ASAP3: variants seen among roughly 807,000 people sequenced by gnomAD.
ASAP3 encodes ArfGAP with SH3 domain, ankyrin repeat and PH domain 3.
ASAP3 carries 85 observed loss-of-function variants against 118.2 expected under a neutral mutation model. That is an observed-to-expected ratio of 0.72 (90% CI 0.60 to 0.86). The LOEUF (loss-of-function observed/expected upper bound fraction) is 0.86. ASAP3 is among the 40% of genes least tolerant of loss of function. ASAP3 has a pLI of 0.00. For missense variants in ASAP3, 1,026 were observed against 1,175.0 expected, an observed-to-expected ratio of 0.87 and a Z score of 1.85; for synonymous variants, 432 against 477.4, an observed-to-expected ratio of 0.90 and a Z score of 1.24.
At chr1:23,447,297 C>T (rs1456844626) in intron 5 of ASAP3, among the ~76,000 whole-genome samples, 2 of 152,170 alleles carry the variant, frequency 1.3e-5, no homozygotes, top group Non-Finnish European at 2.9e-5. Flanking sequence ...CCTTAGTTTA[C>T]TTCATAATGG....
Position 23,434,380 on chromosome 1 carries a change from G to A in ASAP3, c.1836-11C>T, listed in dbSNP as rs1485902460. Reference sequence around the variant, plus strand: ...GCATCCAGGTGACCACTGGGGAGAGGAGGGTTCAGGGAGAAAGGAAGGGGA... The same window carrying A: ...GCATCCAGGTGACCACTGGGGAGAGAAGGGTTCAGGGAGAAAGGAAGGGGA... On this transcript the variant is annotated splice_polypyrimidine_tract_variant and intron_variant, in intron 18 of 24. Transcript: ENST00000336689. The A allele has an allele frequency of 1.2e-6, 2 of 1,613,978 alleles. No homozygotes were observed. The highest frequency in any genetic ancestry group is 2.2e-5 in the East Asian group (1 of 44,890).
rs1640737540 is a variant in ASAP3 at position 23,437,993 on chromosome 1, G to A, written c.1103-521C>T. ...GGAAATAAGGTCCAAACTTTTAAGA[G>A]GGATTTCCAGGCCTCATCTCTCACT... is the stretch of plus-strand genomic sequence containing the variant. On this transcript the variant is annotated intron_variant, in intron 12 of 24. Transcript: ENST00000336689. This position sits in a 1 kb window ranked among gnomAD's most constrained non-coding sequence, Gnocchi z 6.1. 6.6e-6 allele frequency among the ~76,000 whole-genome samples: 1 copy of A among 152,076 alleles called. No homozygotes were observed.
Position 23,436,982 on chromosome 1 carries a change from G to A in ASAP3, c.1405C>T (p.Arg469Cys), listed in dbSNP as rs769703053. 1 of 1,612,308 alleles carries A rather than the reference G, an allele frequency of 6.2e-7. No homozygotes were observed. Among genetic ancestry groups the A allele is most frequent in the Non-Finnish European group, 8.5e-7 (1 of 1,179,686 alleles). ...CGCGAAAAGCGCACGCCCAGTTCGC[G>A]GTGGACGCCCGAGCACTGGATGCAG... ...LTCIQCSGVH[R>C]ELGVRFSRMQ... is the part of the protein sequence containing the mutation. The change falls in exon 15 of 25, where the codon CGC becomes TGC. Residue 469 changes from arginine (R) to cysteine (C), a missense_variant. By Grantham distance (180) the Arg-to-Cys change is radical. Transcript: ENST00000336689. This position sits in a 1 kb window ranked among gnomAD's most constrained non-coding sequence, Gnocchi z 4.2.
At chr1:23,484,215 C>A, upstream of ASAP3, 2 of 1,195,066 alleles carry the variant, frequency 1.7e-6, no homozygotes, top group Non-Finnish European at 2.1e-6. Flanking sequence ...CACCGCCGGC[C>A]GGGGGCGCCG....
chr1:23,431,626 T>A lies in ASAP3; in HGVS notation c.2546+70A>T, dbSNP rs1223729230. On this transcript the variant is annotated intron_variant, in intron 23 of 24. Coordinates refer to ENST00000336689, the MANE Select transcript of ASAP3 (RefSeq NM_017707.4). ...TCTTTAGGCAGGTACTATTTAGAGG[T>A]GTGGAAATCAATGGATGCTCAGAGA... is the stretch of plus-strand genomic sequence containing the variant. 4 of 1,355,750 alleles carry A rather than the reference T, an allele frequency of 3.0e-6. No individual in the cohort carries two copies. The East Asian group carries it at 9.7e-5, about 33-fold the overall frequency. 84.0% of individuals were successfully genotyped at this position (1,355,750 alleles called of 1,614,324 possible).
rs776996189 is a variant in ASAP3, at chr1:23,441,646, C to A, written c.747+9G>T. 6.2e-7 allele frequency: 1 copy of A among 1,614,112 alleles called. No individual in the cohort carries two copies. The highest frequency in any genetic ancestry group is 8.5e-7 in the Non-Finnish European group (1 of 1,179,994). ...TTGATCACGTGCCCAAGGGTGAGAC[C>A]CAACTTACTGCATGTACTGAGGCCG... is the stretch of plus-strand genomic sequence containing the variant. On this transcript the variant is annotated intron_variant, in intron 8 of 24. Transcript: ENST00000336689.
At chr1:23,476,601 T>C (rs1326102948) in intron 1 of ASAP3, among the ~76,000 whole-genome samples, 1 of 152,174 alleles carries the variant, frequency 6.6e-6, no homozygotes, top group Non-Finnish European at 1.5e-5. Flanking sequence ...CTTTCTAAAA[T>C]ACAAACTGGA....
In ASAP3 at chr1:23,435,835, T is replaced by C. The variant is rs553191914; in HGVS notation, c.1749+16A>G. The C allele has an allele frequency of 2.8e-5, 45 of 1,614,248 alleles. No individual in the cohort carries two copies. The South Asian group carries it at 4.7e-4, about 17-fold the overall frequency. On this transcript the variant is annotated intron_variant, in intron 17 of 24. Coordinates refer to ENST00000336689, the MANE Select transcript of ASAP3 (RefSeq NM_017707.4). ...TAGACAGGTGGGTTATAAGTGGCCCTTGGAGGGGTTCTCACCTGTGCATCA... is the reference window on the plus strand; with the variant it reads ...TAGACAGGTGGGTTATAAGTGGCCCCTGGAGGGGTTCTCACCTGTGCATCA...
chr1:23,483,901 C>T, intron 1 of ASAP3, 104 bp downstream of exon 1: 2 of 1,157,080 alleles, frequency 1.7e-6, no homozygotes, highest in South Asian at 4.1e-5. Context: ...GGGCAGGTTT[C>T]GGGGCGCGGT....
chr1:23,478,404 G>A (rs1473495947), intron 1 of ASAP3, among the ~76,000 whole-genome samples: 1 of 151,972 alleles, frequency 6.6e-6, no homozygotes, highest in Non-Finnish European at 1.5e-5. Context: ...AGTGGAGGTT[G>A]CAGTGAGCCC....
Position 23,451,744 on chromosome 1 carries a change from A to G in ASAP3, c.424-216T>C, listed in dbSNP as rs115533630. Reference sequence around the variant, plus strand: ...TTCTCAGAGCTAAGGCCCTCCTCCCAGCAGACCTTCTCCTCCCCAGAGATG... The same window carrying G: ...TTCTCAGAGCTAAGGCCCTCCTCCCGGCAGACCTTCTCCTCCCCAGAGATG... On this transcript the variant is annotated intron_variant, in intron 4 of 24. Coordinates refer to ENST00000336689, the MANE Select transcript of ASAP3 (RefSeq NM_017707.4). Among the ~76,000 whole-genome samples the G allele has an allele frequency of 3.7e-3, 565 of 152,232 alleles. 3 individuals are homozygous for G. The highest frequency in any genetic ancestry group is 0.013 in the African/African-American group (524 of 41,538).
At chr1:23,449,498 G>T (rs529230109) in intron 5 of ASAP3, among the ~76,000 whole-genome samples, 1 of 152,176 alleles carries the variant, frequency 6.6e-6, no homozygotes, top group East Asian at 1.9e-4. Flanking sequence ...TCAGGGCCCT[G>T]GGCCCTTCCA....
At chr1:23,483,187 G>A (rs1642366530) in intron 1 of ASAP3, among the ~76,000 whole-genome samples, 1 of 152,230 alleles carries the variant, frequency 6.6e-6, no homozygotes, top group Non-Finnish European at 1.5e-5. Context: ...GAAGGCTAGA[G>A]CCGTTGCTGA....
chr1:23,475,980 T>A (rs1315632812), intron 1 of ASAP3, among the ~76,000 whole-genome samples: 4 of 148,626 alleles, frequency 2.7e-5, no homozygotes, highest in Admixed American at 2.0e-4. Context: ...AAAAAAAAAA[T>A]AGAATTCTTG....
At chr1:23,477,942 G>A (rs1238592032) in intron 1 of ASAP3, among the ~76,000 whole-genome samples, 5 of 152,180 alleles carry the variant, frequency 3.3e-5, no homozygotes, top group Non-Finnish European at 7.3e-5. Flanking sequence ...CCACAGGGCA[G>A]GGACTGCATC....
At position 23,438,051 on chromosome 1, in the gene ASAP3, G is replaced by A. The variant is rs1033429395; in HGVS notation, c.1103-579C>T. 4.6e-5 allele frequency among the ~76,000 whole-genome samples: 7 copies of A among 152,102 alleles called. No individual in the cohort carries two copies. The highest frequency in any genetic ancestry group is 7.2e-5 in the African/African-American group (3 of 41,498). The stretch of plus-strand genomic sequence containing the variant: ...ATGAACCCTCCACTCTGGCCAAACC[G>A]GCCAGACCCACTCTCCTGCTTCCAT... On this transcript the variant is annotated intron_variant, in intron 12 of 24. Coordinates refer to ENST00000336689, the MANE Select transcript of ASAP3 (RefSeq NM_017707.4). This position sits in a 1 kb window ranked among gnomAD's most constrained non-coding sequence, Gnocchi z 4.9.
chr1:23,433,614 C>T lies in ASAP3; in HGVS notation c.2019+12G>A. 1 of 1,614,210 alleles carries T rather than the reference C, an allele frequency of 6.2e-7. No individual in the cohort carries two copies. Among genetic ancestry groups the T allele is most frequent in the Admixed American group, 1.7e-5 (1 of 60,022 alleles). ...AAAGAGTCAGGGGCCCCTTGCCTCC[C>T]CGAGTCCTCACCAGCTCCTCACACT... On this transcript the variant is annotated intron_variant, in intron 20 of 24. Transcript: ENST00000336689.
intron 5 of ASAP3, among the ~76,000 whole-genome samples, chr1:23,450,300 G>A (rs139254954): frequency 6.6e-6 from 1 of 152,252 alleles, no homozygotes; most frequent in East Asian, 1.9e-4. Context: ...TCCAATGACA[G>A]GAACAGATTA....
At chr1:23,447,269 TG>T (rs2148625283) in intron 5 of ASAP3, among the ~76,000 whole-genome samples, 1 of 152,302 alleles carries the variant, frequency 6.6e-6, no homozygotes, top group South Asian at 2.1e-4. Flanking sequence ...ACTATTGCAG[TG>T]CTTGTGTTCA....
Sources: allele counts gnomAD v4.1 joint callset (sites outside exome capture counted in the v4.1 genomes callset), GRCh38; gene constraint gnomAD v4.1.1; non-coding constraint Gnocchi (gnomAD v3.1); transcripts MANE v1.5; gene names NCBI Gene and HGNC (gene_info 2026-07-23, HGNC 2026-07-21).